Variants in PHF14 observed in about 807,000 individuals in gnomAD.
The protein encoded by PHF14 is PHD finger protein 14.
In PHF14, 55 loss-of-function variants were observed where a neutral mutation model predicts 117.9. That is an observed-to-expected ratio of 0.47 (90% CI 0.38 to 0.58). PHF14 has a LOEUF of 0.58. PHF14 is among the 20% of genes least tolerant of loss of function. The probability of loss-of-function intolerance (pLI) is 0.00; values close to 1 mark genes in which losing one functional copy is unlikely to be tolerated. For synonymous variants in PHF14, 409 were observed against 368.6 expected, an observed-to-expected ratio of 1.11 and a Z score of -1.26; for missense variants, 978 against 1,122.2, an observed-to-expected ratio of 0.87 and a Z score of 1.84.
intron 14 of PHF14, among the ~76,000 whole-genome samples, chr7:11,058,691 A>G (rs991608266): frequency 6.6e-6 from 1 of 152,178 alleles, no homozygotes; most frequent in Non-Finnish European, 1.5e-5. Flanking sequence ...TCACAATGTT[A>G]CAGTTTAGTT....
chr7:11,063,136 G>C (rs1785292481), intron 16 of PHF14: 1 of 956,280 alleles, frequency 1.0e-6, no homozygotes, highest in Non-Finnish European at 1.2e-6. Flanking sequence ...TGCTATCAAT[G>C]AGAAAGATAA....
intron 16 of PHF14, among the ~76,000 whole-genome samples, chr7:11,083,565 G>T (rs1007231102): frequency 6.8e-6 from 1 of 147,960 alleles, no homozygotes; most frequent in South Asian, 2.1e-4. Context: ...GGTTCAAGCA[G>T]TTCTCCTGCC....
At chr7:11,072,755 C>G (rs1467867114) in intron 16 of PHF14, among the ~76,000 whole-genome samples, 4 of 152,164 alleles carry the variant, frequency 2.6e-5, no homozygotes, top group African/African-American at 9.7e-5. Context: ...GCTCATAGTT[C>G]TGCAGGCTGT....
At chr7:11,000,170 C>T (rs1329604734) in intron 4 of PHF14, among the ~76,000 whole-genome samples, 1 of 151,988 alleles carries the variant, frequency 6.6e-6, no homozygotes, top group East Asian at 1.9e-4. Flanking sequence ...GTCAAAAATA[C>T]GTTTTGACTT....
chr7:11,102,476 T>C, intron 16 of PHF14: 3 of 1,609,234 alleles, frequency 1.9e-6, no homozygotes, highest in Non-Finnish European at 2.6e-6. Context: ...CTTATCACTT[T>C]ACTGTGTAGA....
At chr7:11,087,310 G>C (rs1786450140) in intron 16 of PHF14, among the ~76,000 whole-genome samples, 1 of 151,902 alleles carries the variant, frequency 6.6e-6, no homozygotes, top group Non-Finnish European at 1.5e-5. Flanking sequence ...TTCTGCCCCA[G>C]CCTCCCGAGT....
rs573503947 is a variant in PHF14 at position 11,048,537 on chromosome 7, A to G, written c.2313-3075A>G. On this transcript the variant is annotated intron_variant, in intron 13 of 17. Coordinates refer to ENST00000634607, the MANE Select transcript of PHF14 (RefSeq NM_001007157.2). Reference sequence around the variant, plus strand: ...AGTGAGCCTTAGATCATGCCACTGCACTCCAGCCTTGGCAATAGTGCAAGA... The same window carrying G: ...AGTGAGCCTTAGATCATGCCACTGCGCTCCAGCCTTGGCAATAGTGCAAGA... Among the ~76,000 whole-genome samples the G allele has an allele frequency of 2.6e-5, 4 of 152,280 alleles. No homozygotes were observed. The East Asian group carries it at 7.7e-4, about 29-fold the overall frequency.
At chr7:11,165,665 T>C (rs934445788) in intron 17 of PHF14, among the ~76,000 whole-genome samples, 1 of 152,124 alleles carries the variant, frequency 6.6e-6, no homozygotes, top group East Asian at 1.9e-4. Context: ...TTGTTAGGAG[T>C]TGGTTACGTC....
At chr7:10,986,661 G>C (rs1450956618) in intron 3 of PHF14, among the ~76,000 whole-genome samples, 1 of 152,168 alleles carries the variant, frequency 6.6e-6, no homozygotes, top group Non-Finnish European at 1.5e-5. Context: ...CCCTTGAAAT[G>C]TGGTTGTATG....
chr7:11,043,190 G>A (rs1033325237), intron 13 of PHF14, among the ~76,000 whole-genome samples: 14 of 151,742 alleles, frequency 9.2e-5, no homozygotes, highest in African/African-American at 3.4e-4. Flanking sequence ...TTTTGGATTA[G>A]AGTCAAAGGC....
rs146955857 is a variant in PHF14 at position 11,139,837 on chromosome 7, A to G, written c.2772+28370A>G. Among the ~76,000 whole-genome samples the G allele has an allele frequency of 4.5e-4, 68 of 152,304 alleles. No individual in the cohort carries two copies. In the East Asian group the frequency reaches 0.013, roughly 29 times the overall value. ...ATGAAAATTGAGTAAAATTTTCCATAGGGTATGACTTAGTGTACTATTCCT... is the reference window on the plus strand; with the variant it reads ...ATGAAAATTGAGTAAAATTTTCCATGGGGTATGACTTAGTGTACTATTCCT... On this transcript the variant is annotated intron_variant, in intron 17 of 17. Coordinates refer to ENST00000634607, the MANE Select transcript of PHF14 (RefSeq NM_001007157.2).
At position 11,041,051 on chromosome 7, in the gene PHF14, T is replaced by A. The variant is rs1250068469; in HGVS notation, c.2180+276T>A. Among the ~76,000 whole-genome samples the A allele has an allele frequency of 2.0e-5, 3 of 151,960 alleles. No homozygotes were observed. In the East Asian group the frequency reaches 5.8e-4, roughly 29 times the overall value. ...ACATTATAGTTATTGTCTTAAATAA[T>A]TTAAACAATATAAAAGATGAGCATT... On this transcript the variant is annotated intron_variant, in intron 12 of 17. Coordinates refer to ENST00000634607, the MANE Select transcript of PHF14 (RefSeq NM_001007157.2).
At chr7:11,055,612 A>G (rs1425911647) in intron 14 of PHF14, among the ~76,000 whole-genome samples, 1 of 152,174 alleles carries the variant, frequency 6.6e-6, no homozygotes, top group Admixed American at 6.5e-5. Flanking sequence ...ATTATTTTAG[A>G]AGGAGATTTA....
chr7:11,055,422 A>G (rs1229804541), intron 14 of PHF14, among the ~76,000 whole-genome samples: 1 of 152,102 alleles, frequency 6.6e-6, no homozygotes, highest in Non-Finnish European at 1.5e-5. Context: ...TTTTACACAC[A>G]CGCATGCATC....
Position 10,982,534 on chromosome 7 carries a change from C to T in PHF14, c.275C>T (p.Ser92Leu). 6.6e-7 allele frequency: 1 copy of T among 1,520,060 alleles called. No individual in the cohort carries two copies. Among genetic ancestry groups the T allele is most frequent in the Non-Finnish European group, 8.9e-7 (1 of 1,119,276 alleles). The allele number at this position is 1,520,060 out of a possible 1,614,324, so 94.2% of individuals were successfully genotyped here. Reference sequence around the variant, plus strand: ...TCTGCAGAGGAAGAAGTACTATCATCAGAAAAACAATTAATTAAAATGGAA... The same window carrying T: ...TCTGCAGAGGAAGAAGTACTATCATTAGAAAAACAATTAATTAAAATGGAA... ...KNSAEEEVLS[S>L]EKQLIKMEKK... The change falls in exon 3 of 18, where the codon TCA becomes TTA. Residue 92 changes from serine (S) to leucine (L), a missense_variant. By Grantham distance (145) the Ser-to-Leu change is moderately radical. This residue lies in a region of PHF14 where 414 missense variants were observed against 376.4 expected (regional missense o/e 1.10). Coordinates refer to ENST00000634607, the MANE Select transcript of PHF14 (RefSeq NM_001007157.2).
At chr7:11,140,971 T>C (rs1788382532) in intron 17 of PHF14, among the ~76,000 whole-genome samples, 1 of 152,130 alleles carries the variant, frequency 6.6e-6, no homozygotes, top group African/African-American at 2.4e-5. Context: ...CTTTTTCATG[T>C]CTGTTTCCAT....
intron 5 of PHF14, among the ~76,000 whole-genome samples, chr7:11,014,181 T>C (rs975247962): frequency 1.2e-4 from 19 of 152,150 alleles, no homozygotes; most frequent in African/African-American, 4.6e-4. Context: ...ATTTTATAGG[T>C]GTATAGTACC....
chr7:11,040,007 A>G (rs1407908802), intron 11 of PHF14, among the ~76,000 whole-genome samples: 3 of 152,182 alleles, frequency 2.0e-5, no homozygotes, highest in African/African-American at 7.2e-5. Context: ...AATACTATCT[A>G]CCATAAAAGA....
chr7:11,024,426 C>T (rs1352946105), intron 6 of PHF14, among the ~76,000 whole-genome samples: 5 of 152,156 alleles, frequency 3.3e-5, no homozygotes, highest in African/African-American at 1.2e-4. Flanking sequence ...GTAGATGAAA[C>T]AGTCTTCTAT....
Sources: gnomAD v4.1 joint callset for allele counts (sites outside exome capture counted in the v4.1 genomes callset) on GRCh38, gnomAD v4.1.1 for gene constraint, gnomAD v4.1.1 regional missense constraint, MANE v1.5 for transcripts, NCBI Gene and HGNC (gene_info 2026-07-23, HGNC 2026-07-21) for gene names.